Variants in CCDC88A observed in about 807,000 individuals in gnomAD.
The protein encoded by CCDC88A is girdin.
CCDC88A carries 54 observed loss-of-function variants against 234.3 expected under a neutral mutation model. The ratio of observed to expected loss-of-function variants is 0.23; its 90% CI spans 0.19 to 0.29. The LOEUF (loss-of-function observed/expected upper bound fraction) is 0.29, where lower values mean the gene tolerates loss of function less well. Ranked by LOEUF, CCDC88A falls within the 10% of genes least tolerant of loss-of-function variation. The pLI is 1.00. For synonymous variants in CCDC88A, 753 were observed against 737.8 expected (o/e 1.02, Z -0.33); for missense variants, 1,832 against 2,123.4 (o/e 0.86, Z 2.70).
intron 31 of CCDC88A, chr2:55,292,544 A>G (rs1388208893): frequency 1.3e-5 from 2 of 152,208 alleles, no homozygotes. Flanking sequence ...TATTTTCACC[A>G]CTAAAAATTT....
intron 3 of CCDC88A, among the ~76,000 whole-genome samples, chr2:55,377,816 C>T (rs1264275228): frequency 7.4e-6 from 1 of 135,020 alleles, no homozygotes. Flanking sequence ...CCATGTTGGT[C>T]AGGCTGGTCT....
chr2:55,419,430 C>A lies in CCDC88A; in HGVS notation c.-351G>T. 7.6e-6 allele frequency: 2 copies of A among 263,322 alleles called. No individual in the cohort carries two copies. The highest frequency in any genetic ancestry group is 1.5e-5 in the Non-Finnish European group (2 of 135,726). 16.3% of individuals were successfully genotyped at this position (263,322 alleles called of 1,614,324 possible). A position where few individuals can be genotyped will look rare whatever the true frequency, so the allele number is the denominator to read the frequency against. On this transcript the variant is annotated 5_prime_UTR_variant, in exon 1 of 33. Coordinates refer to ENST00000436346, the MANE Select transcript of CCDC88A (RefSeq NM_001365480.1). ...CAAGGTTGTCCAGCTCCTGGAGGAT[C>A]CAGACCAGCGAAACTGCTCCCAATG... is the stretch of plus-strand genomic sequence containing the variant.
chr2:55,331,711 AT>A (rs1285453491), intron 16 of CCDC88A: 2 of 152,122 alleles, frequency 1.3e-5, no homozygotes, highest in Non-Finnish European at 2.9e-5. Flanking sequence ...GAGAATACAT[AT>A]TTTTTTAAAC....
chr2:55,328,586 C>T lies in CCDC88A; in HGVS notation c.2856-151G>A. Reference sequence around the variant, plus strand: ...AATGAAATTATCCTCTTCTTACTGCCCCATTCTCCCTTTAAAACTAATCCT... The same window carrying T: ...AATGAAATTATCCTCTTCTTACTGCTCCATTCTCCCTTTAAAACTAATCCT... On this transcript the variant is annotated intron_variant, in intron 16 of 32. Transcript: ENST00000436346. The surrounding 1 kb of genome is among the most constrained non-coding windows in gnomAD (Gnocchi z 4.3). 2.0e-6 allele frequency: 1 copy of T among 491,594 alleles called. No individual in the cohort carries two copies. Among genetic ancestry groups the T allele is most frequent in the South Asian group, 3.8e-5 (1 of 26,316 alleles). 30.5% of individuals were successfully genotyped at this position (491,594 alleles called of 1,614,324 possible).
Position 55,344,504 on chromosome 2 carries a change from T to A in CCDC88A, c.1052A>T (p.Glu351Val), listed in dbSNP as rs1443879957. ...FYKARVEELK[E>V]DNQVLLETKT... Reference sequence around the variant, plus strand: ...TGTTTCTAATAAAACTTGATTGTCTTCTTTTAATTCCTATAAATGTTTATC... The same window carrying A: ...TGTTTCTAATAAAACTTGATTGTCTACTTTTAATTCCTATAAATGTTTATC... Residue 351 changes from glutamate to valine, a missense_variant, in exon 11 of 33, where the codon GAA (glutamate) becomes GTA (valine). This residue lies in a region of CCDC88A where 1,282 missense variants were observed against 1,543.6 expected (regional missense o/e 0.83). Transcript: ENST00000436346. 3 of 1,529,336 alleles carry A rather than the reference T, an allele frequency of 2.0e-6. No individual in the cohort carries two copies. The African/African-American group carries it at 4.2e-5, about 21-fold the overall frequency. 94.7% of individuals were successfully genotyped at this position (1,529,336 alleles called of 1,614,324 possible). A position where few individuals can be genotyped will look rare whatever the true frequency, so the allele number is the denominator to read the frequency against.
Position 55,339,626 on chromosome 2 carries a change from A to G in CCDC88A, c.1356T>C (p.His452=), listed in dbSNP as rs746069681. Residue 452 remains histidine, a synonymous_variant, in exon 13 of 33, where the codon CAT becomes CAC. Coordinates refer to ENST00000436346, the MANE Select transcript of CCDC88A (RefSeq NM_001365480.1). The part of the protein sequence containing the change: ...LSEAPQKSLG[H]EVNELTSSRL... ...TACTTGATGTCAACTCATTCACCTC[A>G]TGGCCCAGGGATTTCTGGGGTGCTA... The G allele has an allele frequency of 2.1e-5, 34 of 1,608,230 alleles. No individual in the cohort carries two copies. The highest frequency in any genetic ancestry group is 2.5e-6 in the Non-Finnish European group (3 of 1,178,398).
Position 55,334,002 on chromosome 2 carries a change from G to A in CCDC88A, c.2727+92C>T, listed in dbSNP as rs149436210. 3 of 446,082 alleles carry A rather than the reference G, an allele frequency of 6.7e-6. No homozygotes were observed. Among genetic ancestry groups the A allele is most frequent in the Non-Finnish European group, 1.2e-5 (3 of 257,692 alleles). The allele number at this position is 446,082 out of a possible 1,614,324, so 27.6% of individuals were successfully genotyped here. ...TCTACTGAACCATAAAATAAATGATGCAAATTACTGATAGATTCCAATAAA... is the reference window on the plus strand; with the variant it reads ...TCTACTGAACCATAAAATAAATGATACAAATTACTGATAGATTCCAATAAA... On this transcript the variant is annotated intron_variant, in intron 15 of 32. Coordinates refer to ENST00000436346, the MANE Select transcript of CCDC88A (RefSeq NM_001365480.1). This position sits in a 1 kb window ranked among gnomAD's most constrained non-coding sequence, Gnocchi z 6.1.
Position 55,297,268 on chromosome 2 carries a change from T to A in CCDC88A, c.4826-745A>T, listed in dbSNP as rs1269546054. ...ATATATTTCATCTAATGTGTATTTT[T>A]ATATATATTATATATAATATATATA... On this transcript the variant is annotated intron_variant, in intron 29 of 32. Transcript: ENST00000436346. 2.9e-4 allele frequency: 8 copies of A among 27,954 alleles called. No individual in the cohort carries two copies. The East Asian group carries it at 0.035, about 123-fold the overall frequency. The allele number at this position is 27,954 out of a possible 1,614,324, so 1.7% of individuals were successfully genotyped here.
chr2:55,298,059 G>T (rs1250669323), intron 29 of CCDC88A, among the ~76,000 whole-genome samples: 1 of 152,114 alleles, frequency 6.6e-6, no homozygotes, highest in Non-Finnish European at 1.5e-5. Flanking sequence ...TTGACATTAA[G>T]CAACTATATA....
At chr2:55,322,908 ATG>A (rs1683809459) in intron 17 of CCDC88A, 1 of 349,222 alleles carries the variant, frequency 2.9e-6, no homozygotes, top group Admixed American at 4.6e-5. Context: ...AGTAATAGTC[ATG>A]TCAAATCCTA....
chr2:55,317,770 C>T lies in CCDC88A; in HGVS notation c.3396G>A (p.Gln1132=). The change falls in exon 20 of 33, where the codon CAG becomes CAA. Residue 1132 remains glutamine, a synonymous_variant. Transcript: ENST00000436346. The surrounding 1 kb of genome is among the most constrained non-coding windows in gnomAD (Gnocchi z 4.2). ...ATTCATTTTCATTTTCTAAGGAAGA[C>T]TGCTGGATTAGGAGTTGGGCATTCT... The part of the protein sequence containing the change: ...MNQNAQLLIQ[Q]SSLENENESV... 2 of 1,613,030 alleles carry T rather than the reference C, an allele frequency of 1.2e-6. No homozygotes were observed. Among genetic ancestry groups the T allele is most frequent in the South Asian group, 2.2e-5 (2 of 91,006 alleles).
intron 25 of CCDC88A, among the ~76,000 whole-genome samples, chr2:55,305,714 G>A (rs1681467806): frequency 6.6e-6 from 1 of 152,088 alleles, no homozygotes; most frequent in Non-Finnish European, 1.5e-5. Flanking sequence ...ACAATTGTCA[G>A]TGCAGTGCTG....
Position 55,335,026 on chromosome 2 carries a change from T to A in CCDC88A, c.1795A>T (p.Thr599Ser). 1 of 1,610,978 alleles carries A rather than the reference T, an allele frequency of 6.2e-7. No homozygotes were observed. Among genetic ancestry groups the A allele is most frequent in the Non-Finnish European group, 8.5e-7 (1 of 1,178,032 alleles). The change falls in exon 15 of 33, where the codon ACA becomes TCA. Residue 599 changes from threonine (T) to serine (S), a missense_variant. Physicochemically the swap from Thr to Ser is moderately conservative, Grantham distance 58. Around this residue, in one of 6 missense-constraint regions of CCDC88A, gnomAD observed 1,282 missense variants for 1,543.6 expected, o/e 0.83. Transcript: ENST00000436346. This position sits in a 1 kb window ranked among gnomAD's most constrained non-coding sequence, Gnocchi z 4.5. ...TCAATCTTGCTTAGCTTGCTACTTG[T>A]TTCTTTGATAGATTCATGAAGAATT... Reference protein sequence around the residue: ...NKILHESIKETSSKLSKIEFE... With the variant: ...NKILHESIKESSSKLSKIEFE...
At chr2:55,324,545 T>A (rs1684026609) in intron 17 of CCDC88A, among the ~76,000 whole-genome samples, 1 of 152,218 alleles carries the variant, frequency 6.6e-6, no homozygotes, top group Non-Finnish European at 1.5e-5. Flanking sequence ...TTTCTTTTGG[T>A]CATTATATCC....
At chr2:55,368,824 T>G (rs1224775679) in intron 5 of CCDC88A, among the ~76,000 whole-genome samples, 1 of 152,210 alleles carries the variant, frequency 6.6e-6, no homozygotes, top group East Asian at 1.9e-4. Context: ...TGAACAAATT[T>G]TCTGAAATAG....
chr2:55,404,972 G>T (rs1000813869), intron 2 of CCDC88A: 1 of 152,168 alleles, frequency 6.6e-6, no homozygotes, highest in Non-Finnish European at 1.5e-5. Flanking sequence ...CAGGTAATCC[G>T]CAAGCCTCGG....
In CCDC88A at chr2:55,322,614, C is replaced by T. The variant is rs1485761695; in HGVS notation, c.3076G>A (p.Glu1026Lys). The T allele has an allele frequency of 1.2e-6, 2 of 1,606,870 alleles. No individual in the cohort carries two copies. The highest frequency in any genetic ancestry group is 1.7e-6 in the Non-Finnish European group (2 of 1,174,262). The change falls in exon 18 of 33, where the codon GAA (glutamate) becomes AAA (lysine). Residue 1026 changes from glutamate (E) to lysine (K), a missense_variant. Physicochemically the swap from Glu to Lys is moderately conservative, Grantham distance 56 (BLOSUM62 1). This residue lies in a region of CCDC88A where 1,282 missense variants were observed against 1,543.6 expected (regional missense o/e 0.83). Transcript: ENST00000436346. ...MVQSSPPISG[E>K]DNKWERESQE... ...CTTTCTCGCTCCCATTTGTTGTCTT[C>T]ACCAGATATTGGAGGAGAGCTCTGT... is the stretch of plus-strand genomic sequence containing the variant.
At chr2:55,407,179 A>G (rs1325035431) in intron 2 of CCDC88A, among the ~76,000 whole-genome samples, 1 of 152,152 alleles carries the variant, frequency 6.6e-6, no homozygotes, top group Non-Finnish European at 1.5e-5. Context: ...ATGCCACTGC[A>G]TTCCAGCCTG....
In CCDC88A at chr2:55,340,611, T is replaced by C. The variant is rs185977726; in HGVS notation, c.1334-963A>G. ...TAAATTTAACTATAAACTTACAGGA[T>C]ACATTATTCTAAGTAGCAACTAATG... On this transcript the variant is annotated intron_variant, in intron 12 of 32. Coordinates refer to ENST00000436346, the MANE Select transcript of CCDC88A (RefSeq NM_001365480.1). Among the ~76,000 whole-genome samples the C allele has an allele frequency of 2.6e-5, 4 of 152,342 alleles. No homozygotes were observed. The East Asian group carries it at 7.7e-4, about 29-fold the overall frequency.
Sources: gnomAD v4.1 joint callset for allele counts (sites outside exome capture counted in the v4.1 genomes callset) on GRCh38, gnomAD v4.1.1 for gene constraint, gnomAD v4.1.1 regional missense constraint, Gnocchi (gnomAD v3.1) non-coding constraint, MANE v1.5 for transcripts, NCBI Gene and HGNC (gene_info 2026-07-23, HGNC 2026-07-21) for gene names.